TMEM132C: variants seen among roughly 807,000 people sequenced by gnomAD.
TMEM132C encodes the protein transmembrane protein 132C.
A neutral mutation model predicts 61.4 loss-of-function variants in TMEM132C; 29 were observed. The ratio of observed to expected loss-of-function variants is 0.47; its 90% confidence interval spans 0.35 to 0.64. TMEM132C has a LOEUF of 0.64. Among genes scored for constraint, TMEM132C ranks in the 30% least tolerant of loss-of-function variants. TMEM132C has a pLI of 0.00. For missense variants in TMEM132C, 1,408 were observed against 1,476.9 expected (o/e 0.95, Z 0.76); for synonymous variants, 656 against 633.1 (o/e 1.04, Z -0.54).
intron 5 of TMEM132C, among the ~76,000 whole-genome samples, chr12:128,669,862 G>A (rs981667957): frequency 6.6e-6 from 1 of 152,064 alleles, no homozygotes; most frequent in Non-Finnish European, 1.5e-5. Context: ...TATACATTAT[G>A]GAATGGCTAA....
At position 128,414,834 on chromosome 12, in the gene TMEM132C, TCCTC is replaced by T; in HGVS notation, c.189_192del (p.Phe63LeufsTer49). The stretch of plus-strand genomic sequence containing the variant: ...ATCCTCAGAGCAGAGACCTCCTTCT[TCCTC>T]AAGGAAGCCAACCAGGACCTGCTGC... On this transcript the variant is annotated frameshift_variant, in exon 2 of 9. Transcript: ENST00000435159. LOFTEE classifies it high-confidence loss of function. 2 of 1,547,776 alleles carry T rather than the reference TCCTC, an allele frequency of 1.3e-6. No homozygotes were observed. The highest frequency in any genetic ancestry group is 1.7e-6 in the Non-Finnish European group (2 of 1,147,000).
At chr12:128,686,814 A>T (rs1302536565) in intron 5 of TMEM132C, among the ~76,000 whole-genome samples, 1 of 152,182 alleles carries the variant, frequency 6.6e-6, no homozygotes, top group East Asian at 1.9e-4. Context: ...CGAGCAGGTA[A>T]AATCTACAGT....
intron 4 of TMEM132C, among the ~76,000 whole-genome samples, chr12:128,626,283 C>T (rs1409483308): frequency 2.0e-5 from 3 of 148,268 alleles, no homozygotes; most frequent in African/African-American, 7.5e-5. Context: ...CTCACCACCA[C>T]GCCCAGCTAA....
chr12:128,455,577 A>G (rs960834869), intron 2 of TMEM132C, among the ~76,000 whole-genome samples: 3 of 152,092 alleles, frequency 2.0e-5, no homozygotes, highest in African/African-American at 4.8e-5. Context: ...AGTGCTCCTT[A>G]CTCCCATTGC....
In TMEM132C at chr12:128,705,601, G is replaced by C; in HGVS notation, c.2633G>C (p.Arg878Thr). The C allele has an allele frequency of 1.2e-5, 18 of 1,551,132 alleles. No individual in the cohort carries two copies. The highest frequency in any genetic ancestry group is 1.6e-5 in the Non-Finnish European group (18 of 1,147,004). Reference protein sequence around the residue: ...VVKNSRADGGRLAGEGQLQNI... With the variant: ...VVKNSRADGGTLAGEGQLQNI... ...AAGAACAGTCGGGCAGACGGGGGCA[G>C]GCTGGCAGGAGAGGGGCAGCTGCAG... The change falls in exon 9 of 9, where the codon AGG (arginine) becomes ACG (threonine). Residue 878 changes from arginine to threonine, a missense_variant. Physicochemically the swap from Arg to Thr is moderately conservative, Grantham distance 71 (BLOSUM62 -1). Coordinates refer to ENST00000435159, the MANE Select transcript of TMEM132C (RefSeq NM_001136103.3).
intron 3 of TMEM132C, 132 bp from the exon 4 acceptor site, chr12:128,616,020 G>A (rs1044054618): frequency 1.5e-5 from 17 of 1,115,404 alleles, no homozygotes; most frequent in Non-Finnish European, 1.9e-5. Flanking sequence ...CATGCCCCAG[G>A]ATCCCCCACC....
chr12:128,650,152 C>G (rs1954253434), intron 4 of TMEM132C, among the ~76,000 whole-genome samples: 1 of 152,150 alleles, frequency 6.6e-6, no homozygotes, highest in South Asian at 2.1e-4. Flanking sequence ...TAACCTCTGG[C>G]AGAAACTCAG....
At chr12:128,551,424 C>T (rs939263114) in intron 3 of TMEM132C, among the ~76,000 whole-genome samples, 3 of 152,190 alleles carry the variant, frequency 2.0e-5, no homozygotes, top group African/African-American at 7.2e-5. Context: ...TCCATACACA[C>T]ACCAGACCGC....
intron 1 of TMEM132C, among the ~76,000 whole-genome samples, chr12:128,397,203 C>T (rs185781542): frequency 6.6e-6 from 1 of 152,294 alleles, no homozygotes; most frequent in Admixed American, 6.5e-5. Context: ...GTGGTTTCTC[C>T]CCCTTCCTCC....
Position 128,325,676 on chromosome 12 carries a change from A to G in TMEM132C, c.85+58189A>G, listed in dbSNP as rs181835681. On this transcript the variant is annotated intron_variant, in intron 1 of 8. Coordinates refer to ENST00000435159, the MANE Select transcript of TMEM132C (RefSeq NM_001136103.3). ...CATGGACCTCCCTGTATGCTTTTAC[A>G]TCGCTTGGCCATGACTTGCTGAAGG... is the stretch of plus-strand genomic sequence containing the variant. Among the ~76,000 whole-genome samples, 531 of 152,274 alleles carry G rather than the reference A, an allele frequency of 3.5e-3. 8 individuals are homozygous for G. The highest frequency in any genetic ancestry group is 0.012 in the African/African-American group (483 of 41,550).
chr12:128,645,874 G>T (rs1180158303), intron 4 of TMEM132C, among the ~76,000 whole-genome samples: 3 of 151,658 alleles, frequency 2.0e-5, no homozygotes, highest in Non-Finnish European at 4.4e-5. Flanking sequence ...CTGGATGTGA[G>T]TGTGTTTACT....
chr12:128,524,054 A>G (rs4882772), intron 2 of TMEM132C, among the ~76,000 whole-genome samples: 142,360 of 150,376 alleles, frequency 0.95, 67,824 homozygotes, highest in East Asian at 1. Context: ...GTCGTGGTGC[A>G]TTTCTGAACC....
chr12:128,377,058 A>AC, intron 1 of TMEM132C, among the ~76,000 whole-genome samples: 2 of 144,952 alleles, frequency 1.4e-5, no homozygotes, highest in East Asian at 4.1e-4. Context: ...TGCTTTCTTG[A>AC]TTTTTTTTTT....
chr12:128,404,138 G>A (rs1285316682), intron 1 of TMEM132C, among the ~76,000 whole-genome samples: 1 of 152,180 alleles, frequency 6.6e-6, no homozygotes. Context: ...CTTAGATGCT[G>A]TTCTTGAAAG....
intron 1 of TMEM132C, among the ~76,000 whole-genome samples, chr12:128,355,981 C>G (rs556413911): frequency 1.3e-5 from 2 of 152,238 alleles, no homozygotes; most frequent in East Asian, 3.9e-4. Flanking sequence ...GCAAGCAGGT[C>G]ATCTCTGTGT....
intron 5 of TMEM132C, among the ~76,000 whole-genome samples, chr12:128,682,463 G>C (rs775226771): frequency 6.6e-6 from 1 of 152,216 alleles, no homozygotes; most frequent in Non-Finnish European, 1.5e-5. Context: ...AGAGGAATGG[G>C]AGAACGGGGT....
At chr12:128,461,440 A>G (rs1233584772) in intron 2 of TMEM132C, among the ~76,000 whole-genome samples, 1 of 152,070 alleles carries the variant, frequency 6.6e-6, no homozygotes, top group Non-Finnish European at 1.5e-5. Context: ...ACAAAAACAA[A>G]CAAACAAAAC....
intron 1 of TMEM132C, among the ~76,000 whole-genome samples, chr12:128,359,607 C>G (rs1873633305): frequency 6.6e-6 from 1 of 152,260 alleles, no homozygotes; most frequent in South Asian, 2.1e-4. Context: ...ATTCCCTGAC[C>G]CTGTTCTAAA....
Position 128,325,045 on chromosome 12 carries a change from C to T in TMEM132C, c.85+57558C>T, listed in dbSNP as rs142000810. ...TAAATTCCTAAAAGTAGAGGAATTC[C>T]TGAGCTAGAGGGGAGGAGAGGTACT... On this transcript the variant is annotated intron_variant, in intron 1 of 8. Transcript: ENST00000435159. 2.5e-3 allele frequency among the ~76,000 whole-genome samples: 378 copies of T among 151,988 alleles called. 1 individual carries two copies. Among genetic ancestry groups the T allele is most frequent in the African/African-American group, 8.8e-3 (366 of 41,422 alleles).
Sources: allele counts gnomAD v4.1 joint callset (sites outside exome capture counted in the v4.1 genomes callset), GRCh38; gene constraint gnomAD v4.1.1; transcripts MANE v1.5; gene names NCBI Gene and HGNC (gene_info 2026-07-23, HGNC 2026-07-21).